Variants in LRRC17 observed in about 807,000 individuals in gnomAD.
LRRC17 encodes the protein leucine rich repeat containing 17, also known as leucine-rich repeat-containing protein 17.
Under a neutral mutation model 41.5 loss-of-function variants are expected in LRRC17, and 33 were observed. The observed-to-expected ratio is 0.80, with a 90% CI of 0.60 to 1.06. The LOEUF (loss-of-function observed/expected upper bound fraction) is 1.06, where lower values mean the gene tolerates loss of function less well. Ranked by LOEUF, LRRC17 falls within the 50% of genes least tolerant of loss-of-function variation. The pLI is 0.00. For synonymous variants in LRRC17, 192 were observed against 197.0 expected (o/e 0.97, Z 0.21); for missense variants, 491 against 519.3 (o/e 0.95, Z 0.53).
chr7:102,926,572 C>A (rs924218375), intron 1 of LRRC17, among the ~76,000 whole-genome samples: 5 of 152,174 alleles, frequency 3.3e-5, no homozygotes, highest in African/African-American at 1.2e-4. Context: ...TCATTACTCC[C>A]TCCTTTTCCC....
intron 3 of LRRC17, chr7:102,942,332 T>C: frequency 6.3e-7 from 1 of 1,590,994 alleles, no homozygotes. Flanking sequence ...ACGTGAATGA[T>C]TTTTGCTGTG....
At chr7:102,916,434 G>GA (rs2129469614) in intron 1 of LRRC17, among the ~76,000 whole-genome samples, 1 of 152,276 alleles carries the variant, frequency 6.6e-6, no homozygotes, top group South Asian at 2.1e-4. Flanking sequence ...CTCCTGGATT[G>GA]AAAATCTCTG....
intron 2 of LRRC17, 83 bp from the exon 3 acceptor site, chr7:102,939,347 T>G (rs1820940029): frequency 8.4e-7 from 1 of 1,195,648 alleles, no homozygotes; most frequent in African/African-American, 1.5e-5. Context: ...AAGAGCTGAT[T>G]CTTCAATCAC....
At chr7:102,919,169 A>G (rs1406955951) in intron 1 of LRRC17, among the ~76,000 whole-genome samples, 6 of 152,240 alleles carry the variant, frequency 3.9e-5, no homozygotes, top group African/African-American at 1.4e-4. Context: ...TATTTACACC[A>G]CAGAAATCAG....
chr7:102,944,530 G>A lies in LRRC17; in HGVS notation c.1249G>A (p.Glu417Lys), dbSNP rs1217265934. Residue 417 changes from glutamate (E) to lysine (K), a missense_variant, in exon 4 of 4, where the codon GAA becomes AAA. Transcript: ENST00000339431. ...AYPESFDQDT[E>K]DDEWEKKHRD... The stretch of plus-strand genomic sequence containing the variant: ...TCCTGAGTCATTTGACCAAGACACA[G>A]AAGATGATGAATGGGAAAAAAAACA... 1 of 1,613,814 alleles carries A rather than the reference G, an allele frequency of 6.2e-7. No individual in the cohort carries two copies. Among genetic ancestry groups the A allele is most frequent in the Non-Finnish European group, 8.5e-7 (1 of 1,179,908 alleles).
At chr7:102,943,297 G>T in intron 3 of LRRC17, among the ~76,000 whole-genome samples, 1 of 149,330 alleles carries the variant, frequency 6.7e-6, no homozygotes. Flanking sequence ...CTTAATTCAT[G>T]TCTCTTTTTT....
At chr7:102,921,353 A>G (rs1006317289) in intron 1 of LRRC17, among the ~76,000 whole-genome samples, 1 of 152,180 alleles carries the variant, frequency 6.6e-6, no homozygotes. Flanking sequence ...TCAAGAATTT[A>G]TATGTATATA....
intron 3 of LRRC17, among the ~76,000 whole-genome samples, chr7:102,941,611 A>G (rs1821457405): frequency 6.6e-6 from 1 of 152,152 alleles, no homozygotes; most frequent in Admixed American, 6.5e-5. Context: ...TTGGATGGCT[A>G]CAAACTAAAG....
intron 3 of LRRC17, among the ~76,000 whole-genome samples, chr7:102,940,358 C>T (rs181179357): frequency 7.2e-5 from 11 of 151,770 alleles, no homozygotes; most frequent in African/African-American, 2.7e-4. Flanking sequence ...TACAGGCACC[C>T]GCCACCACGC....
intron 2 of LRRC17, 93 bp from the exon 3 acceptor site, chr7:102,939,337 A>T: frequency 9.1e-7 from 1 of 1,100,254 alleles, no homozygotes; most frequent in Non-Finnish European, 1.3e-6. Flanking sequence ...CCTTCTCTTT[A>T]AGAGCTGATT....
At chr7:102,938,467 G>A (rs1585040598) in intron 2 of LRRC17, among the ~76,000 whole-genome samples, 1 of 152,288 alleles carries the variant, frequency 6.6e-6, no homozygotes, top group East Asian at 1.9e-4. Flanking sequence ...AAATTACCTG[G>A]AGAAATTTCC....
intron 2 of LRRC17, among the ~76,000 whole-genome samples, chr7:102,938,116 G>T (rs1001773159): frequency 2.6e-5 from 4 of 152,202 alleles, no homozygotes; most frequent in Non-Finnish European, 5.9e-5. Context: ...ATAAATGTGA[G>T]ACTAATTGAA....
At chr7:102,916,655 G>A (rs1038310007) in intron 1 of LRRC17, among the ~76,000 whole-genome samples, 16 of 152,140 alleles carry the variant, frequency 1.1e-4, no homozygotes, top group Admixed American at 5.2e-4. Context: ...TGGCAAAGAC[G>A]CGTGTCCCCT....
chr7:102,922,427 T>C (rs1480398265), intron 1 of LRRC17, among the ~76,000 whole-genome samples: 1 of 152,096 alleles, frequency 6.6e-6, no homozygotes, highest in Non-Finnish European at 1.5e-5. Context: ...TAATTATTGG[T>C]TTACTGATAA....
Position 102,917,931 on chromosome 7 carries a change from C to T in LRRC17, c.-141+4786C>T, listed in dbSNP as rs528295869. Among the ~76,000 whole-genome samples the T allele has an allele frequency of 4.6e-5, 7 of 152,212 alleles. No individual in the cohort carries two copies. In the East Asian group the frequency reaches 1.4e-3, roughly 29 times the overall value. On this transcript the variant is annotated intron_variant, in intron 1 of 3. Coordinates refer to ENST00000339431, the MANE Select transcript of LRRC17 (RefSeq NM_001031692.3). ...GAATGGGCATGAGCTTTAGGCAGCCCTCATTTTCAACTTTAGAAAACTGAA... is the reference window on the plus strand; with the variant it reads ...GAATGGGCATGAGCTTTAGGCAGCCTTCATTTTCAACTTTAGAAAACTGAA...
chr7:102,927,569 G>A (rs562783588), intron 1 of LRRC17, among the ~76,000 whole-genome samples: 8 of 152,274 alleles, frequency 5.3e-5, no homozygotes, highest in Non-Finnish European at 7.4e-5. Context: ...ATAGGAATTG[G>A]TTGATTTACA....
chr7:102,937,550 C>A (rs1180378744), intron 2 of LRRC17, among the ~76,000 whole-genome samples: 3 of 149,504 alleles, frequency 2.0e-5, no homozygotes, highest in African/African-American at 7.4e-5. Flanking sequence ...TCTTTTAATA[C>A]TATCAGTACA....
intron 1 of LRRC17, among the ~76,000 whole-genome samples, chr7:102,916,988 AT>A (rs1816019771): frequency 6.6e-6 from 1 of 152,110 alleles, no homozygotes; most frequent in Non-Finnish European, 1.5e-5. Context: ...ACTAAGATGA[AT>A]GGAAAAGTAT....
chr7:102,925,828 C>A (rs1168689793), intron 1 of LRRC17, among the ~76,000 whole-genome samples: 2 of 151,632 alleles, frequency 1.3e-5, no homozygotes, highest in South Asian at 4.2e-4. Flanking sequence ...GTAATCCCAA[C>A]TACTCAGGAG....
Sources: allele counts gnomAD v4.1 joint callset (sites outside exome capture counted in the v4.1 genomes callset), GRCh38; gene constraint gnomAD v4.1.1; transcripts MANE v1.5; gene names NCBI Gene and HGNC (gene_info 2026-07-23, HGNC 2026-07-21).